The following FAM47E variants were observed in gnomAD, a reference collection of about 807,000 sequenced individuals.
FAM47E encodes protein FAM47E.
In FAM47E, 32 loss-of-function variants were observed where a neutral mutation model predicts 41.6. The ratio of observed to expected loss-of-function variants is 0.77; its 90% CI spans 0.58 to 1.03. The LOEUF (loss-of-function observed/expected upper bound fraction) is 1.03. Among genes scored for constraint, FAM47E ranks in the 50% least tolerant of loss-of-function variants. The pLI is 0.00. For synonymous variants in FAM47E, 184 were observed against 188.7 expected (o/e 0.98, Z 0.20); for missense variants, 424 against 485.4 (o/e 0.87, Z 1.19).
At chr4:76,271,371 T>C (rs1335360748) in intron 4 of FAM47E, among the ~76,000 whole-genome samples, 197 bp from the exon 5 acceptor site, 1 of 152,240 alleles carries the variant, frequency 6.6e-6, no homozygotes, top group African/African-American at 2.4e-5. Context: ...CACTGCTTCT[T>C]GCAAAGTCCT....
chr4:76,235,460 C>T (rs1733570992), intron 2 of FAM47E, among the ~76,000 whole-genome samples: 1 of 152,110 alleles, frequency 6.6e-6, no homozygotes, highest in Non-Finnish European at 1.5e-5. Context: ...ATGCCAGGGA[C>T]AGCAGTAGGC....
chr4:76,222,253 G>A (rs1477927981), intron 2 of FAM47E, among the ~76,000 whole-genome samples: 1 of 148,974 alleles, frequency 6.7e-6, no homozygotes, highest in African/African-American at 2.5e-5. Flanking sequence ...CTGAGACCGA[G>A]TCTCACTCTG....
At chr4:76,249,292 G>C (rs988911587), upstream of FAM47E, among the ~76,000 whole-genome samples, 2 of 152,070 alleles carry the variant, frequency 1.3e-5, no homozygotes, top group Non-Finnish European at 2.9e-5. Context: ...AAGCAGTCCT[G>C]AATTGGTAGA....
chr4:76,241,046 A>G (rs1733700112), intron 2 of FAM47E, among the ~76,000 whole-genome samples: 1 of 152,034 alleles, frequency 6.6e-6, no homozygotes. Flanking sequence ...AATTCTGAAA[A>G]TCAGATTATT....
At chr4:76,233,932 A>T (rs1293297202) in intron 2 of FAM47E, among the ~76,000 whole-genome samples, 1 of 152,248 alleles carries the variant, frequency 6.6e-6, no homozygotes, top group Non-Finnish European at 1.5e-5. Flanking sequence ...TGATGGGGTG[A>T]AGAAGAGGAA....
rs1224394550 is a variant in FAM47E at position 76,273,159 on chromosome 4, G to T, written c.870+1391G>T. On this transcript the variant is annotated intron_variant, in intron 5 of 7. Transcript: ENST00000424749. ...GCGGTTACTCAGTGACTAAGGGTGGGTAGTGTGTACAGTGTGGATACTCTG... is the reference window on the plus strand; with the variant it reads ...GCGGTTACTCAGTGACTAAGGGTGGTTAGTGTGTACAGTGTGGATACTCTG... Among the ~76,000 whole-genome samples the T allele has an allele frequency of 2.6e-5, 4 of 152,302 alleles. No individual in the cohort carries two copies. The East Asian group carries it at 7.7e-4, about 29-fold the overall frequency.
upstream of FAM47E, among the ~76,000 whole-genome samples, chr4:76,248,933 T>C (rs1733891673): frequency 6.6e-6 from 1 of 152,192 alleles, no homozygotes; most frequent in Non-Finnish European, 1.5e-5. Context: ...AAGCTGGCCA[T>C]TTCATTCCCA....
chr4:76,223,984 G>C (rs1432066963), intron 2 of FAM47E, among the ~76,000 whole-genome samples: 1 of 152,096 alleles, frequency 6.6e-6, no homozygotes. Flanking sequence ...GATGTTGGGG[G>C]AATGTAATTA....
upstream of FAM47E, among the ~76,000 whole-genome samples, chr4:76,248,928 G>A (rs1160228294): frequency 1.3e-5 from 2 of 152,026 alleles, no homozygotes. Flanking sequence ...CAGGTAAGCT[G>A]GCCATTTCAT....
intron 2 of FAM47E, among the ~76,000 whole-genome samples, chr4:76,219,361 A>C (rs1455948515): frequency 6.6e-6 from 1 of 152,180 alleles, no homozygotes; most frequent in African/African-American, 2.4e-5. Context: ...CTGACGTGAA[A>C]TGTATTCTAG....
chr4:76,237,381 T>A (rs1319546584), intron 2 of FAM47E, among the ~76,000 whole-genome samples: 1 of 151,284 alleles, frequency 6.6e-6, no homozygotes, highest in African/African-American at 2.4e-5. Flanking sequence ...TTGTTTGTTT[T>A]TTTTTTGGTT....
intron 2 of FAM47E, among the ~76,000 whole-genome samples, chr4:76,257,905 C>A (rs964067893): frequency 6.6e-6 from 1 of 151,670 alleles, no homozygotes; most frequent in Non-Finnish European, 1.5e-5. Context: ...TGTCCTATGG[C>A]GGACACTCAA....
chr4:76,265,571 A>C (rs923189259), intron 3 of FAM47E, among the ~76,000 whole-genome samples: 16 of 151,600 alleles, frequency 1.1e-4, no homozygotes, highest in African/African-American at 3.9e-4. Flanking sequence ...GGGCTCCTAA[A>C]ACCCTTGGGA....
At chr4:76,271,453 T>C in intron 4 of FAM47E, 115 bp from the exon 5 acceptor site, 2 of 1,266,344 alleles carry the variant, frequency 1.6e-6, no homozygotes, top group Admixed American at 4.4e-5. Flanking sequence ...TGACTGAGCA[T>C]TTTCTACCTC....
At chr4:76,257,097 A>C (rs919484384) in intron 2 of FAM47E, among the ~76,000 whole-genome samples, 5 of 152,092 alleles carry the variant, frequency 3.3e-5, no homozygotes, top group African/African-American at 1.2e-4. Flanking sequence ...TTGTATCTCA[A>C]AGTGGCTTCC....
At chr4:76,251,042 C>T (rs1733948154), upstream of FAM47E, among the ~76,000 whole-genome samples, 1 of 152,068 alleles carries the variant, frequency 6.6e-6, no homozygotes, top group African/African-American at 2.4e-5. Context: ...GTAGCAGAAC[C>T]AATGCTTATA....
chr4:76,250,449 T>G (rs913257954), upstream of FAM47E, among the ~76,000 whole-genome samples: 1 of 152,210 alleles, frequency 6.6e-6, no homozygotes, highest in Non-Finnish European at 1.5e-5. Flanking sequence ...CCTTGTAGAT[T>G]CTGAATATTA....
intron 2 of FAM47E, among the ~76,000 whole-genome samples, chr4:76,220,029 A>G (rs1442575416): frequency 1.3e-5 from 2 of 152,240 alleles, no homozygotes; most frequent in South Asian, 2.1e-4. Flanking sequence ...CTTCAATTGC[A>G]CTGCAAGCTA....
At chr4:76,214,535 C>A (rs1560724610) in intron 1 of FAM47E, 7 of 344,414 alleles carry the variant, frequency 2.0e-5, no homozygotes, top group Non-Finnish European at 1.7e-5. Flanking sequence ...GTGTTGAGGC[C>A]CCAAGAGGTC....
Sources: allele counts gnomAD v4.1 joint callset (sites outside exome capture counted in the v4.1 genomes callset), GRCh38; gene constraint gnomAD v4.1.1; transcripts MANE v1.5; gene names NCBI Gene and HGNC (gene_info 2026-07-23, HGNC 2026-07-21).